CACNA1D: variants seen among roughly 807,000 people sequenced by gnomAD.
CACNA1D encodes calcium voltage-gated channel subunit alpha1 D.
In CACNA1D, 55 loss-of-function variants were observed where a neutral mutation model predicts 257.1. The observed-to-expected ratio is 0.21, with a 90% CI of 0.17 to 0.27. The LOEUF (loss-of-function observed/expected upper bound fraction) is 0.27. CACNA1D is among the 10% of genes least tolerant of loss of function. The pLI is 1.00. For synonymous variants in CACNA1D, 980 were observed against 1,014.9 expected (o/e 0.97, Z 0.65); for missense variants, 1,876 against 2,784.0 (o/e 0.67, Z 7.34).
chr3:53,692,059 A>G (rs2094534302), intron 8 of CACNA1D, among the ~76,000 whole-genome samples: 1 of 149,014 alleles, frequency 6.7e-6, no homozygotes, highest in Non-Finnish European at 1.5e-5. Flanking sequence ...TACAAAGCCC[A>G]AAGTTGCATG....
At chr3:53,560,233 T>C (rs1559841746) in intron 3 of CACNA1D, among the ~76,000 whole-genome samples, 1 of 152,178 alleles carries the variant, frequency 6.6e-6, no homozygotes, top group Non-Finnish European at 1.5e-5. Context: ...GGTGATACTC[T>C]GAGTTCTAGT....
At chr3:53,705,766 C>G (rs902479914) in intron 9 of CACNA1D, among the ~76,000 whole-genome samples, 2 of 152,204 alleles carry the variant, frequency 1.3e-5, no homozygotes, top group African/African-American at 4.8e-5. Flanking sequence ...AGGAGAGAAC[C>G]TCTCTGATCA....
At chr3:53,737,970 C>T (rs544687045) in intron 20 of CACNA1D, among the ~76,000 whole-genome samples, 45 of 152,368 alleles carry the variant, frequency 3.0e-4, no homozygotes, top group African/African-American at 9.9e-4. Context: ...CCCACCTTAG[C>T]TGTGCAGCTT....
intron 3 of CACNA1D, among the ~76,000 whole-genome samples, chr3:53,594,403 C>T (rs576888418): frequency 6.6e-6 from 1 of 152,300 alleles, no homozygotes; most frequent in Non-Finnish European, 1.5e-5. Context: ...TCAGTCCCTT[C>T]AGCAAGTGTT....
In CACNA1D at chr3:53,774,815, T is replaced by A. The variant is rs1355317478; in HGVS notation, c.4202+137T>A. 1.6e-6 allele frequency: 1 copy of A among 642,778 alleles called. No homozygotes were observed. The highest frequency in any genetic ancestry group is 2.7e-5 in the Admixed American group (1 of 37,230). The allele number at this position is 642,778 out of a possible 1,614,324, so 39.8% of individuals were successfully genotyped here. A position where few individuals can be genotyped will look rare whatever the true frequency, so the allele number is the denominator to read the frequency against. ...GTGATGGCTTTTTGTTTTTGTTTGT[T>A]CTGTATTCTTAAACACAGACCCTAG... On this transcript the variant is annotated intron_variant, in intron 34 of 47. Transcript: ENST00000350061. The surrounding 1 kb of genome is among the most constrained non-coding windows in gnomAD (Gnocchi z 4.3).
At chr3:53,541,746 T>C (rs567984762) in intron 3 of CACNA1D, among the ~76,000 whole-genome samples, 1 of 152,192 alleles carries the variant, frequency 6.6e-6, no homozygotes, top group Admixed American at 6.5e-5. Flanking sequence ...GAAGGTGGAG[T>C]GTTGACTATG....
In CACNA1D at chr3:53,782,264, G is replaced by GTGTATATATATATATA. The variant is rs6147823; in HGVS notation, c.4792+598_4792+599insGTATATATATATATAT. ...AGTGTGTGTGTGTGTGTGTGTGTGT[G>GTGTATATATATATATA]TATATATATATATATATATATATAT... On this transcript the variant is annotated intron_variant, in intron 39 of 47. Coordinates refer to ENST00000350061, the MANE Select transcript of CACNA1D (RefSeq NM_001128840.3). 259 of 75,440 alleles carry GTGTATATATATATATA rather than the reference G, an allele frequency of 3.4e-3. 4 individuals are homozygous for GTGTATATATATATATA. Among genetic ancestry groups the GTGTATATATATATATA allele is most frequent in the East Asian group, 0.025 (40 of 1,594 alleles). 4.7% of individuals were successfully genotyped at this position (75,440 alleles called of 1,614,324 possible). A position where few individuals can be genotyped will look rare whatever the true frequency, so the allele number is the denominator to read the frequency against.
At chr3:53,711,857 G>A (rs942241114) in intron 9 of CACNA1D, among the ~76,000 whole-genome samples, 1 of 152,228 alleles carries the variant, frequency 6.6e-6, no homozygotes, top group Non-Finnish European at 1.5e-5. Flanking sequence ...GGGAGAAGAG[G>A]AGGTGGAACT....
chr3:53,670,096 A>C (rs989723451), intron 7 of CACNA1D, among the ~76,000 whole-genome samples: 1 of 151,996 alleles, frequency 6.6e-6, no homozygotes, highest in African/African-American at 2.4e-5. Context: ...CTCAGTGCAC[A>C]CTCCTACGGA....
chr3:53,738,308 C>T (rs760610117), intron 20 of CACNA1D, among the ~76,000 whole-genome samples: 4 of 152,140 alleles, frequency 2.6e-5, no homozygotes, highest in African/African-American at 9.7e-5. Flanking sequence ...ACACGCACTC[C>T]GATATGAAGA....
In CACNA1D at chr3:53,723,040, AT is replaced by A. The variant is rs1349888403; in HGVS notation, c.1667-392del. 6.6e-6 allele frequency among the ~76,000 whole-genome samples: 1 copy of A among 152,196 alleles called. No individual in the cohort carries two copies. Among genetic ancestry groups the A allele is most frequent in the Non-Finnish European group, 1.5e-5 (1 of 68,046 alleles). On this transcript the variant is annotated intron_variant, in intron 12 of 47. Transcript: ENST00000350061. This position sits in a 1 kb window ranked among gnomAD's most constrained non-coding sequence, Gnocchi z 5.6. ...TCTGATATCGTCATGCCATAAATGAATTCAGACAGATCTTTTCTGTGTGATT... is the reference window on the plus strand; with the variant it reads ...TCTGATATCGTCATGCCATAAATGAATCAGACAGATCTTTTCTGTGTGATT...
intron 7 of CACNA1D, among the ~76,000 whole-genome samples, chr3:53,667,652 G>C (rs2108375609): frequency 6.6e-6 from 1 of 152,310 alleles, no homozygotes; most frequent in African/African-American, 2.4e-5. Context: ...CCCTTCAGCA[G>C]CTCACAGGAT....
intron 43 of CACNA1D, 149 bp from the exon 44 acceptor site, chr3:53,803,274 C>G: frequency 1.2e-6 from 1 of 816,664 alleles, no homozygotes; most frequent in Non-Finnish European, 2.1e-6. Flanking sequence ...TGCCAGAAGC[C>G]GGAACAGTCC....
At chr3:53,579,067 C>T (rs1360887842) in intron 3 of CACNA1D, among the ~76,000 whole-genome samples, 1 of 152,174 alleles carries the variant, frequency 6.6e-6, no homozygotes, top group African/African-American at 2.4e-5. Flanking sequence ...GCCATCAGCT[C>T]TTGACTGGGG....
intron 3 of CACNA1D, among the ~76,000 whole-genome samples, chr3:53,582,799 G>A (rs1248683207): frequency 1.5e-4 from 23 of 152,132 alleles, no homozygotes; most frequent in Admixed American, 1.5e-3. Flanking sequence ...TGGGACAAGG[G>A]ACTTGGTGAG....
intron 19 of CACNA1D, among the ~76,000 whole-genome samples, chr3:53,733,350 T>C (rs747768903): frequency 1.3e-5 from 2 of 152,214 alleles, no homozygotes; most frequent in Non-Finnish European, 2.9e-5. Flanking sequence ...TCCTAATGAG[T>C]GGATCTTCTG....
rs775247704 is a variant in CACNA1D at position 53,501,589 on chromosome 3, A to G, written c.378-26A>G. 7.6e-6 allele frequency: 9 copies of G among 1,179,264 alleles called. No homozygotes were observed. In the Admixed American group the frequency reaches 1.3e-4, roughly 18 times the overall value. 73.1% of individuals were successfully genotyped at this position (1,179,264 alleles called of 1,614,324 possible). A position where few individuals can be genotyped will look rare whatever the true frequency, so the allele number is the denominator to read the frequency against. On this transcript the variant is annotated intron_variant, in intron 2 of 47. Transcript: ENST00000350061. ...GACATGGTTTATGTTTCCATAACACATATATACCTTAACACATTTTTTCAG... is the reference window on the plus strand; with the variant it reads ...GACATGGTTTATGTTTCCATAACACGTATATACCTTAACACATTTTTTCAG...
rs983815100 is a variant in CACNA1D at position 53,800,114 on chromosome 3, C to T, written c.4924-135C>T. On this transcript the variant is annotated intron_variant, in intron 40 of 47. Transcript: ENST00000350061. This position sits in a 1 kb window ranked among gnomAD's most constrained non-coding sequence, Gnocchi z 4.3. ...ACCCTTAGACTGCCTTCAGTGACAT[C>T]AGTCAGTGCCCTGGATTGGCTTTTG... is the stretch of plus-strand genomic sequence containing the variant. The T allele has an allele frequency of 1.3e-6, 1 of 768,506 alleles. No homozygotes were observed. Among genetic ancestry groups the T allele is most frequent in the Non-Finnish European group, 2.4e-6 (1 of 418,428 alleles). 47.6% of individuals were successfully genotyped at this position (768,506 alleles called of 1,614,324 possible). A position where few individuals can be genotyped will look rare whatever the true frequency, so the allele number is the denominator to read the frequency against.
At chr3:53,635,775 G>A (rs1014771119) in intron 3 of CACNA1D, among the ~76,000 whole-genome samples, 11 of 152,230 alleles carry the variant, frequency 7.2e-5, no homozygotes, top group African/African-American at 2.4e-4. Flanking sequence ...CTTCCTTCCC[G>A]TATAAACTTG....
Sources: allele counts gnomAD v4.1 joint callset (sites outside exome capture counted in the v4.1 genomes callset), GRCh38; gene constraint gnomAD v4.1.1; non-coding constraint Gnocchi (gnomAD v3.1); transcripts MANE v1.5; gene names NCBI Gene and HGNC (gene_info 2026-07-23, HGNC 2026-07-21).